The following SRGAP2 variants were observed in gnomAD, a reference collection of about 807,000 sequenced individuals.
SRGAP2 encodes SLIT-ROBO Rho GTPase-activating protein 2.
A neutral mutation model predicts 57.2 loss-of-function variants in SRGAP2; 15 were observed. The ratio of observed to expected loss-of-function variants is 0.26; its 90% CI spans 0.18 to 0.40. The LOEUF (loss-of-function observed/expected upper bound fraction) is 0.40. SRGAP2 is among the 10% of genes least tolerant of loss of function. The pLI is 1.00. For synonymous variants in SRGAP2, 249 were observed against 248.0 expected (o/e 1.00, Z -0.04); for missense variants, 520 against 669.6 (o/e 0.78, Z 2.47).
intron 3 of SRGAP2, among the ~76,000 whole-genome samples, chr1:206,342,018 G>A (rs71633584): frequency 0.087 from 13,172 of 151,866 alleles, 1,171 homozygotes; most frequent in African/African-American, 0.23. Flanking sequence ...GGGAATGAGC[G>A]CCTTGGTTTA....
chr1:206,210,552 G>A (rs1553302250), intron 2 of SRGAP2, among the ~76,000 whole-genome samples: 1 of 147,714 alleles, frequency 6.8e-6, no homozygotes, highest in African/African-American at 2.6e-5. Flanking sequence ...AACCCTTTCA[G>A]GACCCTTCAA....
chr1:206,321,839 G>A (rs1553327714), intron 3 of SRGAP2, among the ~76,000 whole-genome samples: 1 of 152,188 alleles, frequency 6.6e-6, no homozygotes, highest in African/African-American at 2.4e-5. Flanking sequence ...GGCACAACAA[G>A]ATGTTCCAGG....
intron 15 of SRGAP2, chr1:206,437,752 T>C (rs1661899742): frequency 1.8e-6 from 1 of 562,208 alleles, no homozygotes. Flanking sequence ...ATTGGTGGAC[T>C]CATCTGCCGT....
chr1:206,260,575 G>A (rs1376835736), intron 2 of SRGAP2, among the ~76,000 whole-genome samples: 3 of 152,150 alleles, frequency 2.0e-5, no homozygotes, highest in Non-Finnish European at 2.9e-5. Flanking sequence ...TTACATGAAA[G>A]GTAACTCATT....
At chr1:206,318,551 C>G (rs1464387009) in intron 3 of SRGAP2, among the ~76,000 whole-genome samples, 53 of 152,234 alleles carry the variant, frequency 3.5e-4, no homozygotes, top group Admixed American at 3.4e-3. Flanking sequence ...TTTTGCGATG[C>G]TGTAAATAAA....
Position 206,415,932 on chromosome 1 carries a change from T to C in SRGAP2, c.1400T>C (p.Leu467Ser), listed in dbSNP as rs782409756. The C allele has an allele frequency of 9.0e-6, 7 of 780,506 alleles. No individual in the cohort carries two copies. 48.3% of individuals were successfully genotyped at this position (780,506 alleles called of 1,614,324 possible). A position where few individuals can be genotyped will look rare whatever the true frequency, so the allele number is the denominator to read the frequency against. ...YLEGRNLITK[L>S]QAKHDLLQKT... ...GAGGGCAGGAACCTCATCACCAAGT[T>C]ACAAGCCAAGCATGACCTTCTGCAG... The change falls in exon 11 of 23, where the codon TTA (leucine) becomes TCA (serine). Residue 467 changes from leucine to serine, a missense_variant. Coordinates refer to ENST00000573034, the MANE Select transcript of SRGAP2 (RefSeq NM_015326.5).
chr1:206,456,487 A>G (rs782633615), intron 21 of SRGAP2, among the ~76,000 whole-genome samples: 1 of 152,210 alleles, frequency 6.6e-6, no homozygotes, highest in Non-Finnish European at 1.5e-5. Context: ...TAACTCAGAA[A>G]CCAAGGCGGG....
At chr1:206,449,304 T>TTTTTTTTTG (rs1558445982) in intron 18 of SRGAP2, among the ~76,000 whole-genome samples, 1 of 150,192 alleles carries the variant, frequency 6.7e-6, no homozygotes. Context: ...TTTTTTTTTT[T>TTTTTTTTTG]TTTTTTAGAC....
At chr1:206,452,909 A>AG (rs1663459423) in intron 19 of SRGAP2, among the ~76,000 whole-genome samples, 77 of 147,270 alleles carry the variant, frequency 5.2e-4, no homozygotes, top group African/African-American at 1.9e-3. Context: ...AAAAAAAAAA[A>AG]TGGGATGCTT....
At chr1:206,385,963 G>C (rs1553348347) in intron 5 of SRGAP2, among the ~76,000 whole-genome samples, 2 of 152,150 alleles carry the variant, frequency 1.3e-5, no homozygotes, top group Middle Eastern at 3.2e-3. Context: ...TTTTCCTCTA[G>C]TAGGCAATGG....
chr1:206,347,360 C>T (rs2102940206), intron 4 of SRGAP2, among the ~76,000 whole-genome samples: 1 of 151,902 alleles, frequency 6.6e-6, no homozygotes, highest in Non-Finnish European at 1.5e-5. Context: ...GGCAGATCAC[C>T]TGAGGTCAGG....
At chr1:206,280,017 CT>C (rs1343742536) in intron 2 of SRGAP2, among the ~76,000 whole-genome samples, 1 of 150,628 alleles carries the variant, frequency 6.6e-6, no homozygotes, top group Non-Finnish European at 1.5e-5. Context: ...CCTTACAAGT[CT>C]TTGTGCTACA....
chr1:206,444,178 C>T (rs75515810), intron 17 of SRGAP2, among the ~76,000 whole-genome samples: 1 of 117,058 alleles, frequency 8.5e-6, no homozygotes, highest in African/African-American at 3.2e-5. Flanking sequence ...GACTCCGTCT[C>T]AAAAAAAAAA....
rs1451957263 is a variant in SRGAP2 at position 206,439,987 on chromosome 1, C to T, written c.1780C>T (p.Leu594=). The T allele has an allele frequency of 2.6e-6, 2 of 780,744 alleles. No homozygotes were observed. Among genetic ancestry groups the T allele is most frequent in the African/African-American group, 3.4e-5 (2 of 59,134 alleles). 48.4% of individuals were successfully genotyped at this position (780,744 alleles called of 1,614,324 possible). ...DLMACVTMDN[L]QERALHIRKV... is the part of the protein sequence containing the mutation. ...TTTCTTCTTTTCAGCAATGGACAAC[C>T]TGCAGGAGAGAGCTCTGCACATCCG... The change falls in exon 17 of 23, where the codon CTG becomes TTG. Residue 594 remains leucine, a synonymous_variant. Coordinates refer to ENST00000573034, the MANE Select transcript of SRGAP2 (RefSeq NM_015326.5).
At chr1:206,441,516 T>G (rs1311144174) in intron 17 of SRGAP2, among the ~76,000 whole-genome samples, 2 of 152,174 alleles carry the variant, frequency 1.3e-5, no homozygotes, top group Admixed American at 1.3e-4. Flanking sequence ...CACCTCTGTC[T>G]TTTCACTTTG....
chr1:206,225,929 C>G (rs1437080122), intron 2 of SRGAP2, among the ~76,000 whole-genome samples: 4 of 152,092 alleles, frequency 2.6e-5, no homozygotes, highest in African/African-American at 7.2e-5. Context: ...TCTGCCAGCA[C>G]CCTCCACCAC....
intron 2 of SRGAP2, among the ~76,000 whole-genome samples, chr1:206,281,493 A>G (rs1254554110): frequency 0.014 from 1,588 of 113,064 alleles, 44 homozygotes; most frequent in Middle Eastern, 0.032. Flanking sequence ...ATTTAAAACC[A>G]TTTTTTTTTT....
intron 5 of SRGAP2, among the ~76,000 whole-genome samples, chr1:206,384,576 CAG>C (rs1656014666): frequency 6.6e-6 from 1 of 152,176 alleles, no homozygotes. Flanking sequence ...CCAGTTTGAG[CAG>C]AGAGAGCTTT....
intron 13 of SRGAP2, among the ~76,000 whole-genome samples, chr1:206,424,103 G>A (rs1660587782): frequency 6.6e-6 from 1 of 151,728 alleles, no homozygotes; most frequent in South Asian, 2.1e-4. Context: ...CTTTCTGATT[G>A]TTTTCTCCTG....
Sources: gnomAD v4.1 joint callset for allele counts (sites outside exome capture counted in the v4.1 genomes callset) on GRCh38, gnomAD v4.1.1 for gene constraint, MANE v1.5 for transcripts, NCBI Gene and HGNC (gene_info 2026-07-23, HGNC 2026-07-21) for gene names.